Variants in CADM2 observed in about 807,000 individuals in gnomAD.
CADM2 encodes cell adhesion molecule 2, also known as immunoglobulin superfamily member 4D.
CADM2 carries 12 observed loss-of-function variants against 49.8 expected under a neutral mutation model. That is an observed-to-expected ratio of 0.24 (90% CI 0.15 to 0.39). The LOEUF (loss-of-function observed/expected upper bound fraction) is 0.39. CADM2 is among the 10% of genes least tolerant of loss of function. The pLI, the probability that CADM2 is intolerant of heterozygous loss-of-function variation, is 1.00. For missense variants in CADM2, 378 were observed against 492.3 expected (o/e 0.77, Z 2.20); for synonymous variants, 214 against 175.4 (o/e 1.22, Z -1.74).
At chr3:85,564,175 CT>C (rs2107195493) in intron 1 of CADM2, among the ~76,000 whole-genome samples, 1 of 42,106 alleles carries the variant, frequency 2.4e-5, no homozygotes, top group Non-Finnish European at 1.0e-4. Context: ...GATTCTCTCT[CT>C]CTCTCTCTCT....
intron 8 of CADM2, among the ~76,000 whole-genome samples, chr3:85,986,452 T>TA (rs562114306): frequency 2.6e-3 from 401 of 152,198 alleles, no homozygotes; most frequent in Non-Finnish European, 4.8e-3. Context: ...GTTTAGCTAT[T>TA]AAAAATCTTT....
chr3:85,274,371 A>C (rs968630622), intron 1 of CADM2, among the ~76,000 whole-genome samples: 1 of 151,562 alleles, frequency 6.6e-6, no homozygotes, highest in Non-Finnish European at 1.5e-5. Context: ...CCAACAGTAC[A>C]TGGAGGAGAG....
intron 8 of CADM2, chr3:86,012,610 C>G (rs1271856026): frequency 1.9e-6 from 3 of 1,580,418 alleles, no homozygotes; most frequent in East Asian, 2.3e-5. Flanking sequence ...GCACGCAGTC[C>G]GACCTGGCCT....
At chr3:85,930,488 T>C (rs1720451155) in intron 6 of CADM2, among the ~76,000 whole-genome samples, 1 of 152,110 alleles carries the variant, frequency 6.6e-6, no homozygotes, top group South Asian at 2.1e-4. Flanking sequence ...TTAAAATATA[T>C]AGTTAAATTA....
chr3:85,418,472 T>C (rs1036575863), intron 1 of CADM2, among the ~76,000 whole-genome samples: 9 of 152,052 alleles, frequency 5.9e-5, no homozygotes, highest in Admixed American at 2.0e-4. Flanking sequence ...AAAAAAATAA[T>C]ACAGGCAAAT....
chr3:84,999,358 T>C (rs529396615), intron 1 of CADM2, among the ~76,000 whole-genome samples: 1 of 152,254 alleles, frequency 6.6e-6, no homozygotes, highest in East Asian at 1.9e-4. Flanking sequence ...CCGTATTTAA[T>C]ATATATCGTT....
Position 86,004,282 on chromosome 3 carries a change from A to G in CADM2, c.970+42635A>G, listed in dbSNP as rs779830917. On this transcript the variant is annotated intron_variant, in intron 8 of 9. Coordinates refer to ENST00000383699, the MANE Select transcript of CADM2 (RefSeq NM_001167675.2). ...GAGGTACTTGTGTTTAGTCACCGCA[A>G]ACACTAAAATCTGAGATTAATGGCA... 3.5e-4 allele frequency among the ~76,000 whole-genome samples: 53 copies of G among 152,334 alleles called. 1 individual carries two copies. Among genetic ancestry groups the G allele is most frequent in the Admixed American group, 1.8e-3 (27 of 15,296 alleles).
intron 1 of CADM2, among the ~76,000 whole-genome samples, chr3:85,613,031 G>A (rs2063717002): frequency 1.3e-5 from 2 of 151,636 alleles, no homozygotes; most frequent in African/African-American, 4.8e-5. Context: ...TCACAGGTTG[G>A]TTGTGGCTTA....
At chr3:85,074,908 G>A (rs953189720) in intron 1 of CADM2, among the ~76,000 whole-genome samples, 1 of 151,048 alleles carries the variant, frequency 6.6e-6, no homozygotes, top group Admixed American at 6.6e-5. Flanking sequence ...CCTACTCAGA[G>A]GTATTCCTCT....
chr3:85,391,593 G>T (rs371651761), intron 1 of CADM2, among the ~76,000 whole-genome samples: 2 of 152,060 alleles, frequency 1.3e-5, no homozygotes, highest in African/African-American at 4.8e-5. Context: ...CACAACAGAA[G>T]AATTATATTG....
At chr3:85,587,028 T>A (rs751419359) in intron 1 of CADM2, among the ~76,000 whole-genome samples, 1 of 152,116 alleles carries the variant, frequency 6.6e-6, no homozygotes, top group Non-Finnish European at 1.5e-5. Context: ...TTGATAAAGT[T>A]ATTTTGGTGT....
intron 8 of CADM2, among the ~76,000 whole-genome samples, chr3:85,965,340 A>G (rs986159169): frequency 6.7e-6 from 1 of 149,760 alleles, no homozygotes; most frequent in African/African-American, 2.4e-5. Flanking sequence ...TAATAAATTC[A>G]TTTATAATAT....
intron 2 of CADM2, among the ~76,000 whole-genome samples, chr3:85,796,987 C>T (rs1157551174): frequency 1.3e-5 from 2 of 151,132 alleles, no homozygotes; most frequent in Non-Finnish European, 2.9e-5. Flanking sequence ...TCCAGCTACT[C>T]GGGAGGCTGA....
intron 1 of CADM2, among the ~76,000 whole-genome samples, chr3:85,041,925 T>C (rs2035459460): frequency 6.6e-6 from 1 of 152,218 alleles, no homozygotes; most frequent in Non-Finnish European, 1.5e-5. Flanking sequence ...CTTTGCTTAT[T>C]TTCTGCTATT....
At chr3:86,064,366 C>G (rs1739063007) in intron 8 of CADM2, among the ~76,000 whole-genome samples, 1 of 152,128 alleles carries the variant, frequency 6.6e-6, no homozygotes, top group Non-Finnish European at 1.5e-5. Context: ...CATCCATGTC[C>G]CTACAAAGGA....
At chr3:85,465,723 C>G (rs1485948116) in intron 1 of CADM2, among the ~76,000 whole-genome samples, 1 of 151,972 alleles carries the variant, frequency 6.6e-6, no homozygotes, top group Non-Finnish European at 1.5e-5. Flanking sequence ...GAGGACTAGT[C>G]AAATGCTTCT....
chr3:85,733,383 G>A (rs539815489), intron 2 of CADM2, among the ~76,000 whole-genome samples: 1 of 152,252 alleles, frequency 6.6e-6, no homozygotes, highest in East Asian at 1.9e-4. Context: ...ATTCGATGTG[G>A]TTTCTGTTTC....
intron 1 of CADM2, among the ~76,000 whole-genome samples, chr3:85,636,324 A>C (rs1363620693): frequency 6.6e-6 from 1 of 152,204 alleles, no homozygotes; most frequent in Non-Finnish European, 1.5e-5. Flanking sequence ...TTTATAACAA[A>C]AAAGCTTAAA....
chr3:85,663,889 T>C (rs542685748), intron 1 of CADM2, among the ~76,000 whole-genome samples: 3 of 152,052 alleles, frequency 2.0e-5, no homozygotes, highest in Non-Finnish European at 4.4e-5. Context: ...CTTAGACTCA[T>C]TGCAACTGGC....
Sources: allele counts gnomAD v4.1 joint callset (sites outside exome capture counted in the v4.1 genomes callset), GRCh38; gene constraint gnomAD v4.1.1; transcripts MANE v1.5; gene names NCBI Gene and HGNC (gene_info 2026-07-23, HGNC 2026-07-21).